MTUS2: variants seen among roughly 807,000 people sequenced by gnomAD.
MTUS2 encodes the protein microtubule associated scaffold protein 2, also known as microtubule-associated tumor suppressor candidate 2.
A neutral mutation model predicts 114.1 loss-of-function variants in MTUS2; 40 were observed. The observed-to-expected ratio is 0.35, with a 90% CI of 0.27 to 0.46. The LOEUF (loss-of-function observed/expected upper bound fraction) is 0.46. Among genes scored for constraint, MTUS2 ranks in the 20% least tolerant of loss-of-function variants. The pLI is 1.00. For missense variants in MTUS2, 1,679 were observed against 1,705.4 expected (o/e 0.98, Z 0.27); for synonymous variants, 688 against 672.0 (o/e 1.02, Z -0.37).
intron 2 of MTUS2, among the ~76,000 whole-genome samples, chr13:28,987,827 C>T (rs1235267088): frequency 6.6e-6 from 1 of 152,216 alleles, no homozygotes; most frequent in Non-Finnish European, 1.5e-5. Context: ...CACAACTGTA[C>T]ACTTAAGAAT....
At chr13:28,897,360 C>T (rs1005147165) in intron 2 of MTUS2, among the ~76,000 whole-genome samples, 4 of 152,224 alleles carry the variant, frequency 2.6e-5, no homozygotes, top group African/African-American at 9.7e-5. Context: ...TACCAGCTCA[C>T]ACCAGTTAGA....
At chr13:28,939,831 G>T (rs527742976) in intron 2 of MTUS2, among the ~76,000 whole-genome samples, 1 of 152,320 alleles carries the variant, frequency 6.6e-6, no homozygotes, top group East Asian at 1.9e-4. Context: ...ATAAAGGAAA[G>T]AAGTTTAATG....
chr13:29,317,162 A>G (rs1900025510), intron 6 of MTUS2, among the ~76,000 whole-genome samples: 1 of 152,300 alleles, frequency 6.6e-6, no homozygotes, highest in African/African-American at 2.4e-5. Flanking sequence ...TTGAATACAG[A>G]AACCTCCCTA....
chr13:29,354,541 C>G (rs1010919399), intron 7 of MTUS2, among the ~76,000 whole-genome samples: 1 of 152,106 alleles, frequency 6.6e-6, no homozygotes, highest in Non-Finnish European at 1.5e-5. Context: ...TCTGGAAACC[C>G]TGATTGTAGC....
At chr13:28,866,399 G>A (rs1014077327) in intron 2 of MTUS2, among the ~76,000 whole-genome samples, 1 of 152,136 alleles carries the variant, frequency 6.6e-6, no homozygotes, top group South Asian at 2.1e-4. Context: ...GGTGTCCACG[G>A]AGAGCATGAT....
intron 5 of MTUS2, among the ~76,000 whole-genome samples, chr13:29,142,433 G>T (rs1296620483): frequency 1.3e-5 from 2 of 152,178 alleles, no homozygotes; most frequent in Non-Finnish European, 2.9e-5. Flanking sequence ...ACTGGGCGTG[G>T]TGGCTCACGC....
chr13:29,169,576 A>G (rs1893466439), intron 5 of MTUS2, among the ~76,000 whole-genome samples: 1 of 152,202 alleles, frequency 6.6e-6, no homozygotes. Context: ...TAAACATTTC[A>G]GACAGATATA....
chr13:29,449,126 A>G (rs761818378), intron 9 of MTUS2, among the ~76,000 whole-genome samples: 1 of 152,194 alleles, frequency 6.6e-6, no homozygotes, highest in Non-Finnish European at 1.5e-5. Context: ...TGTTTTGATT[A>G]AGGTCAGTTT....
chr13:29,045,896 C>A (rs879608863), intron 4 of MTUS2, among the ~76,000 whole-genome samples: 1 of 152,040 alleles, frequency 6.6e-6, no homozygotes, highest in Non-Finnish European at 1.5e-5. Context: ...TGTAATCTTT[C>A]CCATCCCCAA....
intron 8 of MTUS2, among the ~76,000 whole-genome samples, chr13:29,373,945 T>C (rs1465191983): frequency 3.9e-5 from 6 of 152,196 alleles, no homozygotes; most frequent in African/African-American, 7.2e-5. Context: ...ATGTTAAAAG[T>C]AGCTATTGCA....
chr13:28,903,923 G>A (rs1422129643), intron 2 of MTUS2, among the ~76,000 whole-genome samples: 1 of 152,100 alleles, frequency 6.6e-6, no homozygotes, highest in East Asian at 1.9e-4. Context: ...TCCAACACCT[G>A]GTGTTTCCTG....
chr13:29,482,720 T>C (rs947333722), intron 10 of MTUS2, among the ~76,000 whole-genome samples: 3 of 152,174 alleles, frequency 2.0e-5, no homozygotes, highest in Admixed American at 6.5e-5. Context: ...TGTGGAGGAA[T>C]TGAGAGTTTC....
At chr13:28,825,519 A>G (rs561700980) in intron 1 of MTUS2, among the ~76,000 whole-genome samples, 1 of 152,284 alleles carries the variant, frequency 6.6e-6, no homozygotes, top group African/African-American at 2.4e-5. Flanking sequence ...TTACTCAGTC[A>G]TTGACCGAGG....
At chr13:28,852,454 G>C (rs1386134614) in intron 2 of MTUS2, among the ~76,000 whole-genome samples, 2 of 152,130 alleles carry the variant, frequency 1.3e-5, no homozygotes, top group African/African-American at 4.8e-5. Context: ...ACAGTAGCTG[G>C]GAGGTCTGTC....
chr13:29,308,329 G>GTGCTGGGAGTGCTGGCTAGCCATA (rs1899579914), intron 6 of MTUS2, among the ~76,000 whole-genome samples: 8 of 152,268 alleles, frequency 5.3e-5, no homozygotes, highest in Middle Eastern at 6.8e-3. Context: ...TTAATAAATG[G>GTGCTGGGAGTGCTGGCTAGCCATA]TGCTGGGAGT....
chr13:29,297,882 C>T (rs1899019250), intron 6 of MTUS2, among the ~76,000 whole-genome samples: 1 of 152,064 alleles, frequency 6.6e-6, no homozygotes, highest in Admixed American at 6.6e-5. Context: ...CACATACACA[C>T]ACACACACAA....
chr13:28,943,833 G>T (rs943505799), intron 2 of MTUS2, among the ~76,000 whole-genome samples: 2 of 152,102 alleles, frequency 1.3e-5, no homozygotes, highest in Non-Finnish European at 2.9e-5. Context: ...GGCAGGGAAT[G>T]CCACATTGAG....
chr13:29,381,723 G>A (rs1388593145), intron 8 of MTUS2, among the ~76,000 whole-genome samples: 2 of 151,988 alleles, frequency 1.3e-5, no homozygotes, highest in Admixed American at 6.6e-5. Flanking sequence ...GCAATGATAC[G>A]ATCAAGTGAG....
At chr13:28,885,824 T>A (rs944016063) in intron 2 of MTUS2, among the ~76,000 whole-genome samples, 22 of 152,220 alleles carry the variant, frequency 1.4e-4, no homozygotes, top group African/African-American at 5.3e-4. Flanking sequence ...ACAAAACAGA[T>A]CAAAATCAAG....
Sources: gnomAD v4.1 joint callset for allele counts (sites outside exome capture counted in the v4.1 genomes callset) on GRCh38, gnomAD v4.1.1 for gene constraint, MANE v1.5 for transcripts, NCBI Gene and HGNC (gene_info 2026-07-23, HGNC 2026-07-21) for gene names.